The following TMEM135 variants were observed in gnomAD, a reference collection of about 807,000 sequenced individuals.
The protein encoded by TMEM135 is transmembrane protein 135.
A neutral mutation model predicts 60.3 loss-of-function variants in TMEM135; 30 were observed. That is an observed-to-expected ratio of 0.50 (90% CI 0.37 to 0.68). The LOEUF (loss-of-function observed/expected upper bound fraction) is 0.68. Ranked by LOEUF, TMEM135 falls within the 30% of genes least tolerant of loss-of-function variation. TMEM135 has a pLI of 0.00. For synonymous variants in TMEM135, 190 were observed against 186.7 expected, an observed-to-expected ratio of 1.02 and a Z score of -0.14; for missense variants, 468 against 548.8, an observed-to-expected ratio of 0.85 and a Z score of 1.47.
At chr11:87,206,553 AAGTATCCATGATATAACCT>A (rs1449763608) in intron 5 of TMEM135, among the ~76,000 whole-genome samples, 1 of 152,178 alleles carries the variant, frequency 6.6e-6, no homozygotes, top group Non-Finnish European at 1.5e-5. Flanking sequence ...AATTTTTATG[AAGTATCCATGATATAACCT>A]GTGGCAGTGT....
chr11:87,191,989 T>G (rs1939814993), intron 5 of TMEM135, among the ~76,000 whole-genome samples: 1 of 131,486 alleles, frequency 7.6e-6, no homozygotes, highest in African/African-American at 2.9e-5. Context: ...TTTCTTTTCT[T>G]TTTTTTTTTT....
chr11:87,114,444 G>A (rs556051176), intron 4 of TMEM135, among the ~76,000 whole-genome samples: 131 of 152,166 alleles, frequency 8.6e-4, no homozygotes, highest in African/African-American at 3.0e-3. Context: ...TACAAGCTCC[G>A]TAAAAAACAA....
intron 4 of TMEM135, among the ~76,000 whole-genome samples, chr11:87,119,753 T>C (rs1374979605): frequency 6.6e-6 from 1 of 152,158 alleles, no homozygotes; most frequent in Non-Finnish European, 1.5e-5. Context: ...ACAGATATAC[T>C]AATAATGAGA....
intron 6 of TMEM135, among the ~76,000 whole-genome samples, chr11:87,261,635 A>C (rs1265689951): frequency 6.6e-6 from 1 of 151,964 alleles, no homozygotes; most frequent in Non-Finnish European, 1.5e-5. Flanking sequence ...TCCTTCTAGA[A>C]TTCTTTTTTT....
At chr11:87,100,238 A>G (rs1448646627) in intron 4 of TMEM135, among the ~76,000 whole-genome samples, 1 of 152,212 alleles carries the variant, frequency 6.6e-6, no homozygotes, top group East Asian at 1.9e-4. Context: ...GATTTTGACT[A>G]TGTCTGAGGG....
intron 6 of TMEM135, among the ~76,000 whole-genome samples, chr11:87,291,625 G>T (rs1202839944): frequency 7.6e-6 from 1 of 131,368 alleles, no homozygotes; most frequent in Non-Finnish European, 1.6e-5. Context: ...TCTGCCTCCT[G>T]CCACCTCCCC....
At chr11:87,130,520 G>A (rs1287988783) in intron 4 of TMEM135, among the ~76,000 whole-genome samples, 2 of 152,058 alleles carry the variant, frequency 1.3e-5, no homozygotes, top group East Asian at 1.9e-4. Flanking sequence ...CTTGTGTCCT[G>A]CCATCCCCTC....
At chr11:87,181,823 C>A (rs560392) in intron 5 of TMEM135, among the ~76,000 whole-genome samples, 20,176 of 152,000 alleles carry the variant, frequency 0.13, 1,397 homozygotes, top group Non-Finnish European at 0.15. Flanking sequence ...ATGATTTCAC[C>A]TGGCATATTG....
intron 5 of TMEM135, among the ~76,000 whole-genome samples, chr11:87,217,507 C>T (rs189933199): frequency 3.3e-5 from 5 of 152,158 alleles, no homozygotes; most frequent in East Asian, 1.9e-4. Flanking sequence ...GATTTGGGGC[C>T]GGGTGCGGTG....
At chr11:87,195,608 C>G (rs999026102) in intron 5 of TMEM135, among the ~76,000 whole-genome samples, 9 of 151,960 alleles carry the variant, frequency 5.9e-5, no homozygotes, top group African/African-American at 2.2e-4. Context: ...CGGGGTTTCT[C>G]CATGTTGGTC....
At chr11:87,080,030 C>T (rs1253226777) in intron 3 of TMEM135, among the ~76,000 whole-genome samples, 1 of 151,048 alleles carries the variant, frequency 6.6e-6, no homozygotes, top group South Asian at 2.1e-4. Context: ...TTAGTGGAGA[C>T]GGGGTTTCAC....
At chr11:87,064,994 A>G (rs1194158615) in intron 1 of TMEM135, among the ~76,000 whole-genome samples, 1 of 152,014 alleles carries the variant, frequency 6.6e-6, no homozygotes, top group East Asian at 1.9e-4. Context: ...GTGGAAATTC[A>G]TCAAGGTTGT....
At chr11:87,171,383 A>G (rs1040110192) in intron 5 of TMEM135, among the ~76,000 whole-genome samples, 7 of 151,380 alleles carry the variant, frequency 4.6e-5, no homozygotes, top group Non-Finnish European at 7.4e-5. Context: ...TTGTGATATG[A>G]GTGCTGAGGG....
intron 1 of TMEM135, among the ~76,000 whole-genome samples, chr11:87,055,335 G>A (rs1320970248): frequency 2.0e-5 from 3 of 152,128 alleles, no homozygotes; most frequent in Non-Finnish European, 4.4e-5. Flanking sequence ...CAATACCCTG[G>A]TCAAGAATTT....
intron 9 of TMEM135, among the ~76,000 whole-genome samples, chr11:87,308,458 T>G (rs1219488811): frequency 2.6e-5 from 4 of 152,156 alleles, no homozygotes; most frequent in African/African-American, 9.7e-5. Flanking sequence ...AATAAGGCAT[T>G]AGGTAGTTTC....
intron 6 of TMEM135, among the ~76,000 whole-genome samples, chr11:87,263,722 A>C (rs944097801): frequency 6.6e-6 from 1 of 152,100 alleles, no homozygotes; most frequent in African/African-American, 2.4e-5. Context: ...TGTAATAAGC[A>C]TTGTCTATTT....
chr11:87,153,219 AC>A (rs2135262200), intron 4 of TMEM135, among the ~76,000 whole-genome samples: 2 of 152,252 alleles, frequency 1.3e-5, no homozygotes, highest in South Asian at 4.1e-4. Flanking sequence ...AGGAACATGC[AC>A]CCTATTCTTG....
intron 4 of TMEM135, among the ~76,000 whole-genome samples, chr11:87,152,499 G>A (rs907081364): frequency 2.0e-5 from 3 of 152,152 alleles, no homozygotes; most frequent in Non-Finnish European, 4.4e-5. Context: ...TTGACGCCCA[G>A]GCTGGGCTTG....
chr11:87,308,492 C>T (rs1942588637), intron 9 of TMEM135, among the ~76,000 whole-genome samples: 1 of 152,082 alleles, frequency 6.6e-6, no homozygotes, highest in Non-Finnish European at 1.5e-5. Context: ...AGTGTTTCCT[C>T]ATAGTAATTA....
Sources: allele counts gnomAD v4.1 joint callset (sites outside exome capture counted in the v4.1 genomes callset), GRCh38; gene constraint gnomAD v4.1.1; transcripts MANE v1.5; gene names NCBI Gene and HGNC (gene_info 2026-07-23, HGNC 2026-07-21).